PTPRD: variants seen among roughly 807,000 people sequenced by gnomAD.
The protein encoded by PTPRD is protein tyrosine phosphatase receptor type D, also known as receptor-type tyrosine-protein phosphatase delta.
In PTPRD, 34 loss-of-function variants were observed where a neutral mutation model predicts 214.5. That is an observed-to-expected ratio of 0.16 (90% CI 0.12 to 0.21). PTPRD has a LOEUF of 0.21. PTPRD is among the 10% of genes least tolerant of loss of function. The pLI is 1.00. For missense variants in PTPRD, 2,545 were observed against 2,398.7 expected, an observed-to-expected ratio of 1.06 and a Z score of -1.27; for synonymous variants, 1,128 against 845.7, an observed-to-expected ratio of 1.33 and a Z score of -5.79.
intron 2 of PTPRD, among the ~76,000 whole-genome samples, chr9:10,598,396 C>A (rs1223423242): frequency 6.6e-6 from 1 of 151,666 alleles, no homozygotes; most frequent in Non-Finnish European, 1.5e-5. Context: ...GCAGATACAG[C>A]AGCATGGAAG....
chr9:8,402,497 A>G (rs1340526213), intron 36 of PTPRD, among the ~76,000 whole-genome samples: 3 of 152,218 alleles, frequency 2.0e-5, no homozygotes, highest in Non-Finnish European at 4.4e-5. Context: ...ACAATGCTAC[A>G]ATAGAGCAGA....
chr9:10,010,269 A>G (rs1156775469), intron 4 of PTPRD, among the ~76,000 whole-genome samples: 1 of 151,942 alleles, frequency 6.6e-6, no homozygotes, highest in Non-Finnish European at 1.5e-5. Flanking sequence ...ATTTTAAATT[A>G]TTTTAAAATG....
intron 9 of PTPRD, among the ~76,000 whole-genome samples, chr9:9,268,145 T>A (rs560172344): frequency 1.3e-5 from 2 of 151,310 alleles, no homozygotes; most frequent in South Asian, 4.1e-4. Context: ...AAAAAAGCTG[T>A]TACTAATAAA....
At chr9:9,912,871 A>G (rs1451753617) in intron 5 of PTPRD, among the ~76,000 whole-genome samples, 1 of 152,322 alleles carries the variant, frequency 6.6e-6, no homozygotes, top group East Asian at 1.9e-4. Context: ...ACTTCCTCAT[A>G]GGAAAGAACA....
chr9:8,804,144 G>A (rs2096626855), intron 11 of PTPRD, among the ~76,000 whole-genome samples: 1 of 151,968 alleles, frequency 6.6e-6, no homozygotes, highest in African/African-American at 2.4e-5. Context: ...GTAGAGACAG[G>A]GTTTCGCTAT....
At chr9:8,466,680 TTTTTA>T (rs1314339111) in intron 31 of PTPRD, among the ~76,000 whole-genome samples, 1 of 151,864 alleles carries the variant, frequency 6.6e-6, no homozygotes, top group Non-Finnish European at 1.5e-5. Context: ...TTGGGAAGAA[TTTTTA>T]TTTTATTTAT....
chr9:8,833,621 A>G (rs1381051135), intron 11 of PTPRD, among the ~76,000 whole-genome samples: 1 of 150,734 alleles, frequency 6.6e-6, no homozygotes, highest in Non-Finnish European at 1.5e-5. Flanking sequence ...AACTCTACTC[A>G]GTGAATGATG....
In PTPRD at chr9:10,023,906, AAT is replaced by A. The variant is rs376305372; in HGVS notation, c.-472+9810_-472+9811del. Among the ~76,000 whole-genome samples the A allele has an allele frequency of 5.0e-3, 761 of 152,280 alleles. 7 individuals carry two copies. The highest frequency in any genetic ancestry group is 9.2e-3 in the Admixed American group (141 of 15,300). On this transcript the variant is annotated intron_variant, in intron 4 of 45. Coordinates refer to ENST00000381196, the MANE Select transcript of PTPRD (RefSeq NM_002839.4). ...CTTCAAAATGACTTCAGTGGTTTAC[AAT>A]ATAATGATTATGAATTACTTCAAGT...
rs2098742957 is a variant in PTPRD at position 9,770,419 on chromosome 9, C to T, written c.-367-3568G>A. ...TTTTTTAAAATTTACACCAAAATAACAACTGAACTTCCATAAGCAAAACTA... is the reference window on the plus strand; with the variant it reads ...TTTTTTAAAATTTACACCAAAATAATAACTGAACTTCCATAAGCAAAACTA... On this transcript the variant is annotated intron_variant, in intron 5 of 45. Coordinates refer to ENST00000381196, the MANE Select transcript of PTPRD (RefSeq NM_002839.4). Among the ~76,000 whole-genome samples, 4 of 152,152 alleles carry T rather than the reference C, an allele frequency of 2.6e-5. No homozygotes were observed. The South Asian group carries it at 8.3e-4, about 32-fold the overall frequency.
intron 9 of PTPRD, among the ~76,000 whole-genome samples, chr9:9,369,523 T>C (rs2058851455): frequency 6.6e-6 from 1 of 152,146 alleles, no homozygotes; most frequent in African/African-American, 2.4e-5. Context: ...TTTTGTCAGA[T>C]GGGTAGATTG....
intron 14 of PTPRD, among the ~76,000 whole-genome samples, chr9:8,593,579 T>G (rs1278409377): frequency 1.3e-5 from 2 of 152,224 alleles, no homozygotes; most frequent in East Asian, 3.8e-4. Flanking sequence ...GAGAAACATC[T>G]TACCAATGTG....
intron 7 of PTPRD, among the ~76,000 whole-genome samples, chr9:9,731,863 G>A (rs535281740): frequency 6.6e-6 from 1 of 152,282 alleles, no homozygotes; most frequent in South Asian, 2.1e-4. Context: ...AGAGCAATGT[G>A]TTAGGTATGC....
chr9:9,176,074 C>T lies in PTPRD; in HGVS notation c.-143+7230G>A, dbSNP rs142801289. On this transcript the variant is annotated intron_variant, in intron 10 of 45. Transcript: ENST00000381196. Reference sequence around the variant, plus strand: ...TTAATAATTCAGCAATCTCACATTGCTACTCTTATATTTCATCCTTCATCT... The same window carrying T: ...TTAATAATTCAGCAATCTCACATTGTTACTCTTATATTTCATCCTTCATCT... Among the ~76,000 whole-genome samples, 57 of 152,260 alleles carry T rather than the reference C, an allele frequency of 3.7e-4. No homozygotes were observed. In the East Asian group the frequency reaches 6.6e-3, roughly 18 times the overall value.
intron 5 of PTPRD, among the ~76,000 whole-genome samples, chr9:9,837,606 T>A (rs1369930069): frequency 3.3e-5 from 5 of 152,210 alleles, no homozygotes; most frequent in East Asian, 3.9e-4. Context: ...AGACCTAGTT[T>A]CTTGGGGAAA....
At chr9:9,711,433 GA>G (rs1170368949) in intron 7 of PTPRD, among the ~76,000 whole-genome samples, 7 of 151,818 alleles carry the variant, frequency 4.6e-5, no homozygotes, top group Non-Finnish European at 1.0e-4. Context: ...TCTATTATTA[GA>G]AAAACATATA....
At chr9:8,467,217 G>C (rs34257738) in intron 31 of PTPRD, among the ~76,000 whole-genome samples, 9 of 151,580 alleles carry the variant, frequency 5.9e-5, no homozygotes, top group Non-Finnish European at 1.0e-4. Context: ...CGGTAGATTG[G>C]GCATCACTTG....
intron 3 of PTPRD, among the ~76,000 whole-genome samples, chr9:10,133,626 C>A (rs1019491637): frequency 4.6e-5 from 7 of 151,892 alleles, no homozygotes; most frequent in Admixed American, 1.3e-4. Flanking sequence ...TGAAATATAA[C>A]TATAAGTCCA....
In PTPRD at chr9:10,267,241, G is replaced by T. The variant is rs374501915; in HGVS notation, c.-545+73722C>A. ...CAAAAAAGTAGTCAGGGATGGAGCAGATGGAGTTACACCAACACTTTTGGA... is the reference window on the plus strand; with the variant it reads ...CAAAAAAGTAGTCAGGGATGGAGCATATGGAGTTACACCAACACTTTTGGA... On this transcript the variant is annotated intron_variant, in intron 3 of 45. Coordinates refer to ENST00000381196, the MANE Select transcript of PTPRD (RefSeq NM_002839.4). Among the ~76,000 whole-genome samples, 7 of 151,124 alleles carry T rather than the reference G, an allele frequency of 4.6e-5. No individual in the cohort carries two copies. The East Asian group carries it at 1.4e-3, about 29-fold the overall frequency.
intron 10 of PTPRD, among the ~76,000 whole-genome samples, chr9:9,058,316 T>C (rs1468091556): frequency 1.3e-5 from 2 of 152,092 alleles, no homozygotes; most frequent in Non-Finnish European, 2.9e-5. Flanking sequence ...GGAGCAGTGA[T>C]AATCTGTTTT....
Sources: allele counts gnomAD v4.1 joint callset (sites outside exome capture counted in the v4.1 genomes callset), GRCh38; gene constraint gnomAD v4.1.1; transcripts MANE v1.5; gene names NCBI Gene and HGNC (gene_info 2026-07-23, HGNC 2026-07-21).